Variants in ABI3BP observed in about 807,000 individuals in gnomAD.
ABI3BP encodes target of Nesh-SH3.
In ABI3BP, 216 loss-of-function variants were observed where a neutral mutation model predicts 268.6. The ratio of observed to expected loss-of-function variants is 0.80; its 90% CI spans 0.72 to 0.90. The LOEUF is 0.90. ABI3BP is among the 40% of genes least tolerant of loss of function. The probability of loss-of-function intolerance (pLI) is 0.00; values close to 1 mark genes in which losing one functional copy is unlikely to be tolerated. For synonymous variants in ABI3BP, 730 were observed against 730.0 expected (o/e 1.00, Z 0.00); for missense variants, 2,090 against 2,182.4 (o/e 0.96, Z 0.84).
intron 34 of ABI3BP, among the ~76,000 whole-genome samples, chr3:100,826,837 C>T (rs1006191446): frequency 3.9e-4 from 60 of 152,060 alleles, no homozygotes; most frequent in African/African-American, 1.4e-3. Context: ...GGAAGAAAGA[C>T]TTTTGATGCT....
At chr3:100,937,232 T>C (rs1032732996) in intron 1 of ABI3BP, among the ~76,000 whole-genome samples, 4 of 152,060 alleles carry the variant, frequency 2.6e-5, no homozygotes, top group African/African-American at 9.7e-5. Context: ...ATCTGGAACC[T>C]TCATACATTT....
chr3:100,952,101 A>T (rs1446496101), intron 1 of ABI3BP, among the ~76,000 whole-genome samples: 1 of 152,182 alleles, frequency 6.6e-6, no homozygotes, highest in African/African-American at 2.4e-5. Context: ...CTCTAAGGGG[A>T]AAAGGCATTT....
At chr3:100,974,933 G>A (rs2085371451) in intron 1 of ABI3BP, among the ~76,000 whole-genome samples, 1 of 152,164 alleles carries the variant, frequency 6.6e-6, no homozygotes, top group African/African-American at 2.4e-5. Context: ...ACCTGCCCAA[G>A]ATGCTGTTTG....
At chr3:100,768,083 G>GTTTTTTTTTTTT (rs11371725) in intron 62 of ABI3BP, among the ~76,000 whole-genome samples, 1 of 108,720 alleles carries the variant, frequency 9.2e-6, no homozygotes, top group African/African-American at 3.5e-5. Flanking sequence ...TTTGGCTCAA[G>GTTTTTTTTTTTT]TTTTTTTTTT....
chr3:100,781,449 A>T (rs2096860442), intron 57 of ABI3BP, among the ~76,000 whole-genome samples: 1 of 152,172 alleles, frequency 6.6e-6, no homozygotes, highest in Non-Finnish European at 1.5e-5. Context: ...ATAGGAAAAA[A>T]ATGTTTCTGG....
At chr3:100,987,973 GT>G (rs1297959697) in intron 1 of ABI3BP, among the ~76,000 whole-genome samples, 2 of 152,156 alleles carry the variant, frequency 1.3e-5, no homozygotes, top group African/African-American at 4.8e-5. Flanking sequence ...TTGCTTGGTG[GT>G]TTTTAAGCTT....
intron 1 of ABI3BP, among the ~76,000 whole-genome samples, chr3:100,970,185 G>T (rs756118614): frequency 1.3e-5 from 2 of 152,178 alleles, no homozygotes; most frequent in Non-Finnish European, 2.9e-5. Flanking sequence ...TAAAGATCTT[G>T]AACTATAATG....
At chr3:100,911,481 G>C (rs1210445990) in intron 2 of ABI3BP, 1 of 410,596 alleles carries the variant, frequency 2.4e-6, no homozygotes, top group South Asian at 2.8e-5. Context: ...TTTATTGCTT[G>C]TTCATTGTTT....
chr3:100,774,718 G>T lies in ABI3BP; in HGVS notation c.4463-45C>A, dbSNP rs367985189. ...AACAGTTTTGGCAAAAGATAAAAAA[G>T]CTTCACAATACAATGAAAAAGTTGT... On this transcript the variant is annotated intron_variant, in intron 60 of 67. Coordinates refer to ENST00000471714, the MANE Select transcript of ABI3BP (RefSeq NM_001375547.2). 23 of 1,385,238 alleles carry T rather than the reference G, an allele frequency of 1.7e-5. No homozygotes were observed. The African/African-American group carries it at 3.1e-4, about 19-fold the overall frequency. 85.8% of individuals were successfully genotyped at this position (1,385,238 alleles called of 1,614,324 possible). A position where few individuals can be genotyped will look rare whatever the true frequency, so the allele number is the denominator to read the frequency against.
At chr3:100,757,131 G>GA (rs1244566330) in intron 63 of ABI3BP, among the ~76,000 whole-genome samples, 6 of 151,894 alleles carry the variant, frequency 4.0e-5, no homozygotes, top group Non-Finnish European at 8.8e-5. Flanking sequence ...TCAAAGAGAT[G>GA]AAAAAATGAG....
At chr3:100,874,773 A>G in intron 9 of ABI3BP, 68 bp downstream of exon 9, 1 of 950,270 alleles carries the variant, frequency 1.1e-6, no homozygotes. Context: ...GATTCTTTGG[A>G]TTTCCTAAGA....
At chr3:100,781,487 T>C (rs1328780216) in intron 57 of ABI3BP, among the ~76,000 whole-genome samples, 3 of 152,162 alleles carry the variant, frequency 2.0e-5, no homozygotes, top group Non-Finnish European at 4.4e-5. Context: ...ACTAATCTCA[T>C]AGGCAGGCCA....
At chr3:100,794,578 C>T (rs532361481) in intron 54 of ABI3BP, among the ~76,000 whole-genome samples, 3 of 151,754 alleles carry the variant, frequency 2.0e-5, no homozygotes, top group Non-Finnish European at 4.4e-5. Context: ...AATTTTTCTT[C>T]CCAAATGCAG....
chr3:100,947,016 G>A (rs990738890), intron 1 of ABI3BP, among the ~76,000 whole-genome samples: 1 of 152,070 alleles, frequency 6.6e-6, no homozygotes, highest in Non-Finnish European at 1.5e-5. Context: ...AAATGCTTCA[G>A]TTGGGTTTTT....
intron 57 of ABI3BP, among the ~76,000 whole-genome samples, chr3:100,786,151 G>C (rs1847391): frequency 1.3e-5 from 2 of 151,890 alleles, no homozygotes; most frequent in Non-Finnish European, 2.9e-5. Context: ...CTTGACAGGG[G>C]ATCCCAATCA....
At chr3:100,885,215 A>ATT (rs2041388258) in intron 6 of ABI3BP, among the ~76,000 whole-genome samples, 1 of 152,064 alleles carries the variant, frequency 6.6e-6, no homozygotes, top group African/African-American at 2.4e-5. Flanking sequence ...ATCATGTATC[A>ATT]ATTTGCTCTT....
At chr3:100,907,775 A>C (rs1222953908) in intron 2 of ABI3BP, among the ~76,000 whole-genome samples, 1 of 151,446 alleles carries the variant, frequency 6.6e-6, no homozygotes, top group Non-Finnish European at 1.5e-5. Flanking sequence ...ACATAATACA[A>C]TAATAAATTA....
In ABI3BP at chr3:100,817,424, G is replaced by T; in HGVS notation, c.3148+12C>A. The stretch of plus-strand genomic sequence containing the variant: ...GAGGAAAAAGTTATTCAGGAACACA[G>T]AATATCATTACCTAACGTTGTTTCT... On this transcript the variant is annotated intron_variant, in intron 42 of 67. Coordinates refer to ENST00000471714, the MANE Select transcript of ABI3BP (RefSeq NM_001375547.2). The T allele has an allele frequency of 6.7e-7, 1 of 1,496,762 alleles. No individual in the cohort carries two copies. The highest frequency in any genetic ancestry group is 1.3e-5 in the South Asian group (1 of 78,586). 92.7% of individuals were successfully genotyped at this position (1,496,762 alleles called of 1,614,324 possible). A position where few individuals can be genotyped will look rare whatever the true frequency, so the allele number is the denominator to read the frequency against.
Position 100,862,864 on chromosome 3 carries a change from G to C in ABI3BP, c.1184C>G (p.Pro395Arg), listed in dbSNP as rs1234907987. ...CAATGTGCCCCTAGGTTTCTCAAAA[G>C]GGAAGGGTGTTTTTGCCTCAGGAAA... ...PEFPEAKTPF[P>R]FEKPRGTLAS... Residue 395 changes from proline to arginine, a missense_variant, in exon 13 of 68, where the codon CCT becomes CGT. Transcript: ENST00000471714. 2.0e-5 allele frequency: 30 copies of C among 1,535,602 alleles called. No homozygotes were observed. Among genetic ancestry groups the C allele is most frequent in the Admixed American group, 1.8e-4 (9 of 50,962 alleles).
Sources: allele counts gnomAD v4.1 joint callset (sites outside exome capture counted in the v4.1 genomes callset), GRCh38; gene constraint gnomAD v4.1.1; transcripts MANE v1.5; gene names NCBI Gene and HGNC (gene_info 2026-07-23, HGNC 2026-07-21).